TUNAR: variants seen among roughly 807,000 people sequenced by gnomAD.
The protein encoded by TUNAR is protein TUNAR.
At chr14:95,910,104 C>G (rs1889489974) in intron 2 of TUNAR, among the ~76,000 whole-genome samples, 1 of 152,174 alleles carries the variant, frequency 6.6e-6, no homozygotes, top group South Asian at 2.1e-4. Flanking sequence ...CTGCCGTATC[C>G]CTAGTACCTA....
intron 2 of TUNAR, among the ~76,000 whole-genome samples, chr14:95,916,828 T>A (rs74570122): frequency 0.019 from 2,855 of 152,338 alleles, 110 homozygotes; most frequent in East Asian, 0.13. Flanking sequence ...ATCTGATGGC[T>A]GTTTGATGGT....
At chr14:95,880,897 T>C (rs146172811) in intron 2 of TUNAR, among the ~76,000 whole-genome samples, 33 of 152,362 alleles carry the variant, frequency 2.2e-4, no homozygotes, top group African/African-American at 7.7e-4. Context: ...CTCTGCAAAG[T>C]AGACATTGTG....
At chr14:95,919,269 C>T (rs1459507900) in intron 2 of TUNAR, among the ~76,000 whole-genome samples, 1 of 152,224 alleles carries the variant, frequency 6.6e-6, no homozygotes, top group Non-Finnish European at 1.5e-5. Flanking sequence ...CGTATGCGTA[C>T]CCTGTGCCCG....
chr14:95,880,444 C>T (rs1185893698), intron 2 of TUNAR, among the ~76,000 whole-genome samples: 1 of 152,150 alleles, frequency 6.6e-6, no homozygotes, highest in East Asian at 1.9e-4. Flanking sequence ...AGAGGCTCAG[C>T]ACAAATCTGA....
exon 3 of TUNAR, chr14:95,923,766 T>G (rs1347429057): frequency 6.6e-6 from 1 of 152,192 alleles, no homozygotes; most frequent in Non-Finnish European, 1.5e-5. Context: ...CTGAAGGACA[T>G]TTTCCCATAC....
chr14:95,890,580 A>G (rs945202780), intron 2 of TUNAR, among the ~76,000 whole-genome samples: 4 of 152,130 alleles, frequency 2.6e-5, no homozygotes, highest in Non-Finnish European at 4.4e-5. Context: ...GGTGTGCAAG[A>G]GGGGAGAGAG....
At chr14:95,925,488 AG>A in exon 3 of TUNAR, 1 of 152,214 alleles carries the variant, frequency 6.6e-6, no homozygotes, top group African/African-American at 2.4e-5. Flanking sequence ...GCTACTCAGT[AG>A]GCTCTGTGTG....
intron 2 of TUNAR, among the ~76,000 whole-genome samples, chr14:95,886,775 G>C (rs916156275): frequency 3.9e-5 from 6 of 152,338 alleles, no homozygotes; most frequent in Non-Finnish European, 8.8e-5. Context: ...CCCTGAGGCC[G>C]GCCAATGCCC....
intron 2 of TUNAR, among the ~76,000 whole-genome samples, chr14:95,893,758 C>G (rs1326379505): frequency 6.6e-6 from 1 of 152,226 alleles, no homozygotes; most frequent in Non-Finnish European, 1.5e-5. Flanking sequence ...AGGCTCCTCA[C>G]TTTGTATTAA....
intron 2 of TUNAR, among the ~76,000 whole-genome samples, chr14:95,883,425 TCAGA>T (rs1889013992): frequency 6.6e-6 from 1 of 152,170 alleles, no homozygotes; most frequent in Non-Finnish European, 1.5e-5. Flanking sequence ...CATCCTTTCC[TCAGA>T]CAGATGTCAG....
chr14:95,879,501 G>A (rs1398387068), intron 2 of TUNAR, among the ~76,000 whole-genome samples: 2 of 152,144 alleles, frequency 1.3e-5, no homozygotes. Context: ...AAAATGCTGA[G>A]GTAATTATGA....
chr14:95,882,216 CTT>C (rs1888991138), intron 2 of TUNAR, among the ~76,000 whole-genome samples: 1 of 152,178 alleles, frequency 6.6e-6, no homozygotes, highest in Admixed American at 6.5e-5. Context: ...TGCCCCCAGA[CTT>C]TGAGAGAACA....
chr14:95,897,176 C>T (rs1359712835), intron 2 of TUNAR, among the ~76,000 whole-genome samples: 3 of 152,222 alleles, frequency 2.0e-5, no homozygotes, highest in Admixed American at 6.5e-5. Context: ...ATTTAATCCT[C>T]GTCAGAACTT....
intron 2 of TUNAR, among the ~76,000 whole-genome samples, chr14:95,900,777 G>T (rs1000099223): frequency 6.6e-6 from 1 of 152,200 alleles, no homozygotes; most frequent in Non-Finnish European, 1.5e-5. Flanking sequence ...TCAAAGAACT[G>T]TGGGCATTAA....
rs57144684 is a variant in TUNAR at position 95,884,569 on chromosome 14, TTAAGTC to T, written c.12+7395_12+7400del. Among the ~76,000 whole-genome samples, 54 of 152,342 alleles carry T rather than the reference TTAAGTC, an allele frequency of 3.5e-4. 1 individual carries two copies. In the East Asian group the frequency reaches 0.01, roughly 28 times the overall value. ...TAAAAGTAAATTTAGAAGCAGCTCTTTAAGTCTAGGCACCGTGTTACAGGGTGACTC... is the reference window on the plus strand; with the variant it reads ...TAAAAGTAAATTTAGAAGCAGCTCTTTAGGCACCGTGTTACAGGGTGACTC... On this transcript the variant is annotated intron_variant, in intron 2 of 2. Transcript: ENST00000678517.
At chr14:95,902,660 T>A (rs1380483857) in intron 2 of TUNAR, among the ~76,000 whole-genome samples, 2 of 152,098 alleles carry the variant, frequency 1.3e-5, no homozygotes. Flanking sequence ...AAGTGCTGGG[T>A]AATCATGGGG....
rs901754980 is a variant in TUNAR at position 95,877,422 on chromosome 14, T to G, written c.12+245T>G. On this transcript the variant is annotated intron_variant, in intron 2 of 2. Transcript: ENST00000678517. Reference sequence around the variant, plus strand: ...TTGACATGCAGGCGGGAGACCTGTCTGGTCTAGATAACGGCATGTGTATGC... The same window carrying G: ...TTGACATGCAGGCGGGAGACCTGTCGGGTCTAGATAACGGCATGTGTATGC... Among the ~76,000 whole-genome samples the G allele has an allele frequency of 3.4e-4, 51 of 152,236 alleles. 1 individual carries two copies. Among genetic ancestry groups the G allele is most frequent in the Non-Finnish European group, 1.3e-4 (9 of 68,048 alleles).
At chr14:95,909,037 T>C (rs1376594171) in intron 2 of TUNAR, among the ~76,000 whole-genome samples, 3 of 152,204 alleles carry the variant, frequency 2.0e-5, no homozygotes, top group Admixed American at 6.5e-5. Context: ...AGATACCTGA[T>C]GACTTGGGTT....
chr14:95,888,057 C>A (rs181201250), intron 2 of TUNAR, among the ~76,000 whole-genome samples: 2 of 152,166 alleles, frequency 1.3e-5, no homozygotes, highest in South Asian at 2.1e-4. Flanking sequence ...AGCTGTTCTT[C>A]GAGTCAGATT....
Sources: allele counts gnomAD v4.1 joint callset (sites outside exome capture counted in the v4.1 genomes callset), GRCh38; gene constraint gnomAD v4.1.1; transcripts MANE v1.5; gene names NCBI Gene and HGNC (gene_info 2026-07-23, HGNC 2026-07-21).